Variants in GPC3 observed in about 807,000 individuals in gnomAD.
The protein encoded by GPC3 is glypican-3.
GPC3 carries 3 observed loss-of-function variants against 34.4 expected under a neutral mutation model. The ratio of observed to expected loss-of-function variants is 0.09; its 90% CI spans 0.04 to 0.23. The LOEUF is 0.23. Among genes scored for constraint, GPC3 ranks in the 10% least tolerant of loss-of-function variants. The pLI, the probability that GPC3 is intolerant of heterozygous loss-of-function variation, is 1.00. For synonymous variants in GPC3, 177 were observed against 174.0 expected (o/e 1.02, Z -0.13); for missense variants, 351 against 445.6 (o/e 0.79, Z 1.91).
intron 2 of GPC3, among the ~76,000 whole-genome samples, chrX:133,777,931 TC>T (rs1460240604): frequency 5.3e-5 from 6 of 112,222 alleles, no homozygotes; most frequent in Non-Finnish European, 1.1e-4. Flanking sequence ...TTTTGTTCTT[TC>T]CATCATCCAA....
chrX:133,788,124 G>GTA (rs2072125323), intron 2 of GPC3, among the ~76,000 whole-genome samples: 2 of 47,964 alleles, frequency 4.2e-5, no homozygotes, highest in African/African-American at 2.1e-4. Context: ...ATATATATAT[G>GTA]TATGTATATA....
intron 2 of GPC3, among the ~76,000 whole-genome samples, chrX:133,806,421 T>C (rs1603251204): frequency 9.0e-6 from 1 of 111,524 alleles, no homozygotes; most frequent in Non-Finnish European, 1.9e-5. Flanking sequence ...ACTCTTCATT[T>C]GATGTGTTAC....
rs1050405337 is a variant in GPC3 at position 133,967,798 on chromosome X, T to C, written c.176-14587A>G. ...TGCACAGCACCCTGCCCAGCTAATTTATTTTTTATTTTTGTAGAGATGGGG... is the reference window on the plus strand; with the variant it reads ...TGCACAGCACCCTGCCCAGCTAATTCATTTTTTATTTTTGTAGAGATGGGG... On this transcript the variant is annotated intron_variant, in intron 1 of 7. Transcript: ENST00000370818. Among the ~76,000 whole-genome samples, 6 of 111,481 alleles carry C rather than the reference T, an allele frequency of 5.4e-5. No individual in the cohort carries two copies. The Admixed American group carries it at 5.7e-4, about 11-fold the overall frequency.
chrX:133,634,447 A>T (rs1259687662), intron 6 of GPC3, among the ~76,000 whole-genome samples: 1 of 112,308 alleles, frequency 8.9e-6, no homozygotes, highest in Non-Finnish European at 1.9e-5. Context: ...CAACTGGTGA[A>T]TGAATATTCT....
intron 5 of GPC3, among the ~76,000 whole-genome samples, chrX:133,691,681 T>C: frequency 9.0e-6 from 1 of 111,495 alleles, no homozygotes; most frequent in Admixed American, 9.5e-5. Context: ...AGGATTTTTA[T>C]AAAGATAAAT....
At chrX:133,873,023 A>G (rs2076000567) in intron 2 of GPC3, among the ~76,000 whole-genome samples, 1 of 112,546 alleles carries the variant, frequency 8.9e-6, no homozygotes, top group African/African-American at 3.2e-5. Context: ...ATTTCCTGGT[A>G]CAGACCGTTT....
At chrX:133,876,736 G>A (rs1316768913) in intron 2 of GPC3, among the ~76,000 whole-genome samples, 1 of 112,070 alleles carries the variant, frequency 8.9e-6, no homozygotes, top group Non-Finnish European at 1.9e-5. Context: ...TTTTGTTTTT[G>A]TTTGGGGACA....
At chrX:133,954,904 C>T (rs1303011766) in intron 1 of GPC3, among the ~76,000 whole-genome samples, 1 of 109,678 alleles carries the variant, frequency 9.1e-6, no homozygotes, top group Non-Finnish European at 1.9e-5. Context: ...TCTGCCACCA[C>T]GCCTGGCTAA....
chrX:133,894,375 T>C (rs2076102381), intron 2 of GPC3, among the ~76,000 whole-genome samples: 2 of 112,348 alleles, frequency 1.8e-5, no homozygotes, highest in African/African-American at 6.5e-5. Context: ...TAGTTGTTTT[T>C]GTACTACTTC....
chrX:133,722,771 T>C (rs2071379170), intron 3 of GPC3, among the ~76,000 whole-genome samples: 1 of 111,491 alleles, frequency 9.0e-6, no homozygotes, highest in Non-Finnish European at 1.9e-5. Flanking sequence ...CCTCTGCTGA[T>C]TGGTTTTAGC....
chrX:133,964,426 C>T (rs1178237540), intron 1 of GPC3, among the ~76,000 whole-genome samples: 2 of 111,547 alleles, frequency 1.8e-5, no homozygotes, highest in Non-Finnish European at 3.8e-5. Flanking sequence ...GCAACAATTG[C>T]CTTCCCGTGG....
At chrX:133,868,522 C>T (rs2075979406) in intron 2 of GPC3, among the ~76,000 whole-genome samples, 1 of 112,315 alleles carries the variant, frequency 8.9e-6, no homozygotes, top group African/African-American at 3.2e-5. Context: ...AAGGAGCTCA[C>T]AGTCTACTTG....
At chrX:133,860,703 A>G (rs1350615714) in intron 2 of GPC3, among the ~76,000 whole-genome samples, 1 of 111,842 alleles carries the variant, frequency 8.9e-6, no homozygotes, top group Non-Finnish European at 1.9e-5. Flanking sequence ...TTGACAGTAG[A>G]TCTGTTGTTA....
rs2075867333 is a variant in GPC3 at position 133,850,214 on chromosome X, G to GTTTTTTTTTTTTTTTTTTTTTTTTT, written c.338-96039_338-96038insAAAAAAAAAAAAAAAAAAAAAAAAA. 6.6e-5 allele frequency among the ~76,000 whole-genome samples: 2 copies of GTTTTTTTTTTTTTTTTTTTTTTTTT among 30,217 alleles called. 1 individual carries two copies. Among genetic ancestry groups the GTTTTTTTTTTTTTTTTTTTTTTTTT allele is most frequent in the African/African-American group, 2.2e-4 (2 of 8,963 alleles). The allele number at this position is 30,217 out of a possible 115,157, so 26.2% of individuals were successfully genotyped here. ...GTTTTGTTTTTTTTTTTTTTTTTTTGGTAAATAAAGCTAGCTGAGCTCTTC... is the reference window on the plus strand; with the variant it reads ...GTTTTGTTTTTTTTTTTTTTTTTTTGTTTTTTTTTTTTTTTTTTTTTTTTTGTAAATAAAGCTAGCTGAGCTCTTC... On this transcript the variant is annotated intron_variant, in intron 2 of 7. Coordinates refer to ENST00000370818, the MANE Select transcript of GPC3 (RefSeq NM_004484.4).
intron 7 of GPC3, among the ~76,000 whole-genome samples, chrX:133,567,993 T>C (rs997600806): frequency 8.9e-6 from 1 of 112,359 alleles, no homozygotes; most frequent in Non-Finnish European, 1.9e-5. Context: ...TGAACTTGGC[T>C]GAAAACTTAA....
chrX:133,855,800 C>T (rs773673562), intron 2 of GPC3, among the ~76,000 whole-genome samples: 35 of 110,926 alleles, frequency 3.2e-4, no homozygotes, highest in Non-Finnish European at 5.9e-4. Flanking sequence ...CTGGTAACGA[C>T]TGTTTTATTC....
chrX:133,945,175 G>A (rs1036617781), intron 2 of GPC3, among the ~76,000 whole-genome samples: 4 of 111,534 alleles, frequency 3.6e-5, no homozygotes, highest in Non-Finnish European at 7.5e-5. Flanking sequence ...CAGATAGCTT[G>A]AGCCCAGGAG....
intron 2 of GPC3, among the ~76,000 whole-genome samples, chrX:133,855,590 C>T (rs1374402707): frequency 2.9e-5 from 3 of 103,636 alleles, no homozygotes; most frequent in Non-Finnish European, 3.9e-5. Flanking sequence ...ACATCTCTAT[C>T]GTCTCACATA....
At chrX:133,736,969 T>A (rs2071516662) in intron 3 of GPC3, among the ~76,000 whole-genome samples, 1 of 112,128 alleles carries the variant, frequency 8.9e-6, no homozygotes, top group Admixed American at 9.5e-5. Flanking sequence ...GGAATAATGA[T>A]TAGGACTTGA....
Sources: gnomAD v4.1 joint callset for allele counts (sites outside exome capture counted in the v4.1 genomes callset) on GRCh38, gnomAD v4.1.1 for gene constraint, MANE v1.5 for transcripts, NCBI Gene and HGNC (gene_info 2026-07-23, HGNC 2026-07-21) for gene names.